Variants in ABCA10 observed in about 807,000 individuals in gnomAD.
The protein encoded by ABCA10 is ATP-binding cassette sub-family A member 10.
In ABCA10, 169 loss-of-function variants were observed where a neutral mutation model predicts 187.5. The observed-to-expected ratio is 0.90, with a 90% CI of 0.80 to 1.02. The LOEUF (loss-of-function observed/expected upper bound fraction) is 1.02, where lower values mean the gene tolerates loss of function less well. ABCA10 is among the 50% of genes least tolerant of loss of function. ABCA10 has a pLI of 0.00. For missense variants in ABCA10, 1,727 were observed against 1,812.4 expected (o/e 0.95, Z 0.86); for synonymous variants, 574 against 601.8 (o/e 0.95, Z 0.68).
chr17:69,179,356 A>C (rs1329809957), intron 22 of ABCA10, among the ~76,000 whole-genome samples: 2 of 152,192 alleles, frequency 1.3e-5, no homozygotes, highest in Non-Finnish European at 2.9e-5. Context: ...TGAGTTCATG[A>C]GTAATAATCT....
In ABCA10 at chr17:69,182,756, C is replaced by T. The variant is rs2074390246; in HGVS notation, c.2550G>A (p.Leu850=). The change falls in exon 21 of 39, where the codon TTG becomes TTA. Residue 850 remains leucine, a synonymous_variant. Coordinates refer to ENST00000690296, the MANE Select transcript of ABCA10 (RefSeq NM_001377321.1). ...VHSLKCQDIV[L]EIDDFRNRNG... ...TTCTGTTTCTAAAGTCATCTATTTC[C>T]AAAACTATATCCTGACACTTCAGTG... The T allele has an allele frequency of 6.2e-7, 1 of 1,610,730 alleles. No individual in the cohort carries two copies. The highest frequency in any genetic ancestry group is 8.5e-7 in the Non-Finnish European group (1 of 1,178,640).
chr17:69,185,410 C>G, intron 20 of ABCA10, 67 bp downstream of exon 20: 1 of 1,442,120 alleles, frequency 6.9e-7, no homozygotes, highest in Non-Finnish European at 9.3e-7. Context: ...AATTGTCTCT[C>G]AGGTATGTGC....
Position 69,211,335 on chromosome 17 carries a change from A to G in ABCA10, c.1006+3369T>C, listed in dbSNP as rs1371456042. 5.0e-3 allele frequency among the ~76,000 whole-genome samples: 624 copies of G among 124,966 alleles called. 11 individuals are homozygous for G. The highest frequency in any genetic ancestry group is 9.1e-3 in the South Asian group (34 of 3,756). 82.0% of individuals were successfully genotyped at this position (124,966 alleles called of 152,430 possible). A position where few individuals can be genotyped will look rare whatever the true frequency, so the allele number is the denominator to read the frequency against. On this transcript the variant is annotated intron_variant, in intron 9 of 38. Coordinates refer to ENST00000690296, the MANE Select transcript of ABCA10 (RefSeq NM_001377321.1). ...ATATGATATATATATATATATATAT[A>G]TATATATATATATATATATATATAT... is the stretch of plus-strand genomic sequence containing the variant.
chr17:69,237,431 T>C (rs2074878966), intron 1 of ABCA10, among the ~76,000 whole-genome samples: 1 of 152,220 alleles, frequency 6.6e-6, no homozygotes, highest in Non-Finnish European at 1.5e-5. Context: ...TGGCTGAATT[T>C]GCTCTAGACT....
At chr17:69,214,917 T>A (rs9909045) in intron 8 of ABCA10, 66 bp from the exon 9 acceptor site, 786,068 of 1,231,250 alleles carry the variant, frequency 0.64, 252,893 homozygotes, top group Non-Finnish European at 0.67. Flanking sequence ...CAATTTTTTT[T>A]AAAAAATAGT....
chr17:69,201,542 A>AG lies in ABCA10; in HGVS notation c.1132_1133insC (p.Phe378SerfsTer2). The AG allele has an allele frequency of 6.2e-7, 1 of 1,607,532 alleles. No individual in the cohort carries two copies. The highest frequency in any genetic ancestry group is 1.1e-5 in the South Asian group (1 of 89,182). ...ATGGAATTCTGGAGACACCGGTTCA[A>AG]AAGAATCATCAGAGGAATGCTCAGG... is the stretch of plus-strand genomic sequence containing the variant. On this transcript the variant is annotated frameshift_variant, in exon 10 of 39. Coordinates refer to ENST00000690296, the MANE Select transcript of ABCA10 (RefSeq NM_001377321.1). LOFTEE classifies it high-confidence loss of function.
chr17:69,185,214 T>C (rs2074412010), intron 20 of ABCA10, among the ~76,000 whole-genome samples: 2 of 152,144 alleles, frequency 1.3e-5, no homozygotes, highest in African/African-American at 4.8e-5. Flanking sequence ...GCTCAGGTGA[T>C]GAGTCCACCA....
Position 69,149,047 on chromosome 17 carries a change from C to A in ABCA10, c.4519G>T (p.Ala1507Ser), listed in dbSNP as rs184549175. ...TGAAAACCCACCTGCTCCAAGGTAG[C>A]CTGAGAGAGGCTGTATTCCTCCAGG... The part of the protein sequence containing the change: ...FNLEEYSLSQ[A>S]TLEQVFLELC... The change falls in exon 38 of 39, where the codon GCT becomes TCT. Residue 1507 changes from alanine to serine, a missense_variant. Physicochemically the swap from Ala to Ser is moderately conservative, Grantham distance 99. Transcript: ENST00000690296. The A allele has an allele frequency of 1.5e-4, 243 of 1,612,476 alleles. 1 individual carries two copies. The highest frequency in any genetic ancestry group is 1.5e-5 in the Non-Finnish European group (18 of 1,179,672).
intron 22 of ABCA10, among the ~76,000 whole-genome samples, chr17:69,181,849 T>C (rs1280635823): frequency 6.6e-6 from 1 of 151,630 alleles, no homozygotes; most frequent in Non-Finnish European, 1.5e-5. Context: ...AATAGTACAC[T>C]CAGGAAGTAG....
intron 9 of ABCA10, among the ~76,000 whole-genome samples, 193 bp from the exon 10 acceptor site, chr17:69,201,861 C>T (rs182642594): frequency 5.9e-5 from 9 of 152,158 alleles, no homozygotes; most frequent in East Asian, 5.8e-4. Context: ...CCTGGCTCAC[C>T]GCAACCTCCG....
At chr17:69,234,541 C>T (rs1714624443) in intron 1 of ABCA10, 1 of 152,258 alleles carries the variant, frequency 6.6e-6, no homozygotes, top group Non-Finnish European at 1.5e-5. Context: ...AGTCTGCACT[C>T]TCAAAACAAC....
At chr17:69,232,702 T>C (rs1225537499), upstream of ABCA10, among the ~76,000 whole-genome samples, 2 of 152,194 alleles carry the variant, frequency 1.3e-5, no homozygotes, top group Non-Finnish European at 2.9e-5. Context: ...TTCTTCTCTT[T>C]AGATTAGAAC....
At chr17:69,179,312 T>C (rs1480123684) in intron 22 of ABCA10, among the ~76,000 whole-genome samples, 1 of 152,216 alleles carries the variant, frequency 6.6e-6, no homozygotes, top group Non-Finnish European at 1.5e-5. Context: ...ATGTATTTGA[T>C]GTCTGGAGGT....
At chr17:69,230,527 TAC>T (rs1032273331), upstream of ABCA10, among the ~76,000 whole-genome samples, 2 of 152,092 alleles carry the variant, frequency 1.3e-5, no homozygotes, top group Non-Finnish European at 2.9e-5. Flanking sequence ...ACAGTTCTGC[TAC>T]AGAGTCAGAA....
intron 18 of ABCA10, among the ~76,000 whole-genome samples, chr17:69,189,602 A>G (rs1238960744): frequency 1.3e-5 from 2 of 152,116 alleles, no homozygotes; most frequent in Non-Finnish European, 2.9e-5. Flanking sequence ...TGCCAGGACC[A>G]ATGTCCAGAA....
upstream of ABCA10, among the ~76,000 whole-genome samples, chr17:69,231,863 A>C (rs1301467434): frequency 6.6e-6 from 1 of 152,106 alleles, no homozygotes; most frequent in Non-Finnish European, 1.5e-5. Flanking sequence ...AGTTCCTTAC[A>C]ATTATTTATT....
intron 6 of ABCA10, among the ~76,000 whole-genome samples, chr17:69,217,001 C>G (rs1337013762): frequency 1.3e-5 from 2 of 152,106 alleles, no homozygotes; most frequent in Admixed American, 1.3e-4. Context: ...AATCCCAGCA[C>G]TTTGGGAGGT....
At chr17:69,176,107 C>A (rs984714874) in intron 22 of ABCA10, among the ~76,000 whole-genome samples, 1 of 152,102 alleles carries the variant, frequency 6.6e-6, no homozygotes, top group Non-Finnish European at 1.5e-5. Context: ...AGGGCATGAG[C>A]AGTTTCTCTT....
chr17:69,233,406 GTTTT>G (rs978002075), upstream of ABCA10: 1 of 151,532 alleles, frequency 6.6e-6, no homozygotes, highest in Non-Finnish European at 1.5e-5. Context: ...CATGTTTGTG[GTTTT>G]TTTAATTATT....
Sources: gnomAD v4.1 joint callset for allele counts (sites outside exome capture counted in the v4.1 genomes callset) on GRCh38, gnomAD v4.1.1 for gene constraint, MANE v1.5 for transcripts, NCBI Gene and HGNC (gene_info 2026-07-23, HGNC 2026-07-21) for gene names.